ACSBG2: variants seen among roughly 807,000 people sequenced by gnomAD.
ACSBG2 encodes the protein acyl-CoA synthetase bubblegum family member 2.
Under a neutral mutation model 74.7 loss-of-function variants are expected in ACSBG2, and 62 were observed. That is an observed-to-expected ratio of 0.83 (90% CI 0.68 to 1.03). The LOEUF (loss-of-function observed/expected upper bound fraction) is 1.03, where lower values mean the gene tolerates loss of function less well. Among genes scored for constraint, ACSBG2 ranks in the 50% least tolerant of loss-of-function variants. The probability of loss-of-function intolerance (pLI) is 0.00; values close to 1 mark genes in which losing one functional copy is unlikely to be tolerated. For synonymous variants in ACSBG2, 309 were observed against 294.1 expected, an observed-to-expected ratio of 1.05 and a Z score of -0.52; for missense variants, 730 against 817.6, an observed-to-expected ratio of 0.89 and a Z score of 1.31.
At chr19:6,190,467 G>A (rs754559948) in intron 13 of ACSBG2, 117 bp from the exon 14 acceptor site, 2 of 804,838 alleles carry the variant, frequency 2.5e-6, no homozygotes, top group Non-Finnish European at 4.3e-6. Context: ...GAAAGTCAAT[G>A]GCACAGCCAG....
chr19:6,190,694 T>G lies in ACSBG2; in HGVS notation c.*35+2T>G. Reference sequence around the variant, plus strand: ...GAGCTGCTCTCAGCTGTTCTGATGGTGAGATTCAGTTGCTTGGCTTTGCTG... The same window carrying G: ...GAGCTGCTCTCAGCTGTTCTGATGGGGAGATTCAGTTGCTTGGCTTTGCTG... On this transcript the variant is annotated splice_donor_variant, in intron 14 of 14. Coordinates refer to ENST00000588485, the MANE Select transcript of ACSBG2 (RefSeq NM_030924.5). LOFTEE classifies it low-confidence loss of function (3UTR_SPLICE). 1 of 1,594,958 alleles carries G rather than the reference T, an allele frequency of 6.3e-7. No homozygotes were observed. Among genetic ancestry groups the G allele is most frequent in the Non-Finnish European group, 8.6e-7 (1 of 1,162,832 alleles).
intron 10 of ACSBG2, among the ~76,000 whole-genome samples, chr19:6,184,111 A>G (rs1280656572): frequency 6.6e-6 from 1 of 152,142 alleles, no homozygotes; most frequent in East Asian, 1.9e-4. Context: ...ATACATTTAA[A>G]AGTCATTTGT....
intron 13 of ACSBG2, among the ~76,000 whole-genome samples, chr19:6,188,345 CAG>C (rs1044444483): frequency 3.9e-5 from 6 of 152,200 alleles, no homozygotes; most frequent in African/African-American, 1.4e-4. Context: ...GCAGCAAAGA[CAG>C]AGTTTAATTA....
rs2090291620 is a variant in ACSBG2, at chr19:6,182,672, G to A, written c.907-79G>A. 2.9e-6 allele frequency: 4 copies of A among 1,402,820 alleles called. No homozygotes were observed. The East Asian group carries it at 9.3e-5, about 33-fold the overall frequency. 86.9% of individuals were successfully genotyped at this position (1,402,820 alleles called of 1,614,324 possible). A position where few individuals can be genotyped will look rare whatever the true frequency, so the allele number is the denominator to read the frequency against. On this transcript the variant is annotated intron_variant, in intron 8 of 14. Coordinates refer to ENST00000588485, the MANE Select transcript of ACSBG2 (RefSeq NM_030924.5). The stretch of plus-strand genomic sequence containing the variant: ...GTGAAGGAATGTTCTCTTGGGCAAA[G>A]TTGGGTGGATCAGGAGAGATGGACA...
At position 6,183,100 on chromosome 19, in the gene ACSBG2, A is replaced by T; in HGVS notation, c.1150A>T (p.Thr384Ser). ...AKTLVFSKVK[T>S]SLGLDHCHSF... ...GACTCTCGTGTTCAGCAAAGTCAAG[A>T]CATCCCTTGGCTTGGATCACTGTCA... Residue 384 changes from threonine to serine, a missense_variant, in exon 10 of 15, where the codon ACA becomes TCA. Transcript: ENST00000588485. 6.2e-7 allele frequency: 1 copy of T among 1,614,202 alleles called. No homozygotes were observed. Among genetic ancestry groups the T allele is most frequent in the Non-Finnish European group, 8.5e-7 (1 of 1,180,028 alleles).
intron 5 of ACSBG2, among the ~76,000 whole-genome samples, chr19:6,160,355 A>C (rs1319817568): frequency 3.4e-5 from 5 of 148,742 alleles, no homozygotes; most frequent in Non-Finnish European, 1.5e-5. Context: ...GCGCCACTGC[A>C]CTCTAGCCTA....
chr19:6,151,028 C>T (rs1376298532), intron 3 of ACSBG2, among the ~76,000 whole-genome samples: 1 of 150,754 alleles, frequency 6.6e-6, no homozygotes, highest in African/African-American at 2.4e-5. Context: ...GCAGGAGAAT[C>T]GCTTGAACCC....
At chr19:6,154,228 A>G (rs1001594412) in intron 4 of ACSBG2, among the ~76,000 whole-genome samples, 2 of 151,320 alleles carry the variant, frequency 1.3e-5, no homozygotes, top group Admixed American at 1.3e-4. Flanking sequence ...CTCTATCTCT[A>G]CTAAAAAAAA....
chr19:6,142,597 C>A (rs1161195634), intron 2 of ACSBG2, among the ~76,000 whole-genome samples: 1 of 151,664 alleles, frequency 6.6e-6, no homozygotes, highest in Non-Finnish European at 1.5e-5. Context: ...CTAAAAAATA[C>A]AAAAAATTAG....
chr19:6,141,727 C>A (rs2144997007), intron 2 of ACSBG2, 117 bp downstream of exon 2: 1 of 696,768 alleles, frequency 1.4e-6, no homozygotes, highest in East Asian at 2.8e-5. Flanking sequence ...ACCCTGCTGA[C>A]CCCGACCCCC....
intron 5 of ACSBG2, among the ~76,000 whole-genome samples, chr19:6,158,551 T>A (rs752973299): frequency 2.6e-5 from 4 of 151,458 alleles, no homozygotes; most frequent in Non-Finnish European, 4.4e-5. Flanking sequence ...GGCAGGAGGG[T>A]CCTGGAGAGG....
intron 6 of ACSBG2, chr19:6,161,517 AAATG>A: frequency 2.1e-6 from 1 of 469,594 alleles, no homozygotes; most frequent in Non-Finnish European, 3.9e-6. Flanking sequence ...AAAGGACGTG[AAATG>A]TGAGCAGAGG....
intron 6 of ACSBG2, 90 bp downstream of exon 6, chr19:6,161,385 AG>A: frequency 7.8e-7 from 1 of 1,275,650 alleles, no homozygotes; most frequent in Non-Finnish European, 1.1e-6. Context: ...GAGCAGAGGG[AG>A]GAGGTCGGAC....
At chr19:6,190,528 G>C in intron 13 of ACSBG2, 56 bp from the exon 14 acceptor site, 5 of 1,454,098 alleles carry the variant, frequency 3.4e-6, no homozygotes, top group Non-Finnish European at 3.9e-6. Flanking sequence ...TCATGCATGG[G>C]TGTGTGTAAT....
intron 6 of ACSBG2, among the ~76,000 whole-genome samples, chr19:6,164,777 G>T (rs1250908859): frequency 2.0e-5 from 3 of 152,176 alleles, no homozygotes; most frequent in South Asian, 2.1e-4. Context: ...CCAGTGCTTT[G>T]TTGGGGGTTC....
At position 6,185,549 on chromosome 19, in the gene ACSBG2, A is replaced by C; in HGVS notation, c.1436A>C (p.Glu479Ala). 1 of 1,614,166 alleles carries C rather than the reference A, an allele frequency of 6.2e-7. No homozygotes were observed. Among genetic ancestry groups the C allele is most frequent in the Non-Finnish European group, 8.5e-7 (1 of 1,180,024 alleles). ...ATCTTCATGGGCTATCTGGAAAGTG[A>C]GACTGAAACTACAGAGGCCATCGAT... ...RHIFMGYLESETETTEAIDDE... is the reference protein window; with the variant it reads ...RHIFMGYLESATETTEAIDDE... The change falls in exon 11 of 15, where the codon GAG becomes GCG. Residue 479 changes from glutamate (E) to alanine (A), a missense_variant. Coordinates refer to ENST00000588485, the MANE Select transcript of ACSBG2 (RefSeq NM_030924.5).
intron 7 of ACSBG2, chr19:6,175,545 G>T (rs2090068949): frequency 6.6e-6 from 1 of 152,194 alleles, no homozygotes; most frequent in South Asian, 2.1e-4. Context: ...CCAGCCATGG[G>T]GGTGGGGGAC....
intron 7 of ACSBG2, among the ~76,000 whole-genome samples, chr19:6,170,471 G>A (rs2089935275): frequency 2.6e-5 from 4 of 152,190 alleles, no homozygotes; most frequent in Non-Finnish European, 4.4e-5. Flanking sequence ...TTCAAAGATT[G>A]TTTTTATTGC....
intron 6 of ACSBG2, among the ~76,000 whole-genome samples, chr19:6,165,055 C>T (rs1377872254): frequency 6.6e-6 from 1 of 152,226 alleles, no homozygotes; most frequent in East Asian, 1.9e-4. Context: ...TGACAAAAGT[C>T]TGACCCCAAA....
Sources: allele counts gnomAD v4.1 joint callset (sites outside exome capture counted in the v4.1 genomes callset), GRCh38; gene constraint gnomAD v4.1.1; transcripts MANE v1.5; gene names NCBI Gene and HGNC (gene_info 2026-07-23, HGNC 2026-07-21).